The following MCHR2 variants were observed in gnomAD, a reference collection of about 807,000 sequenced individuals.
MCHR2 encodes melanin concentrating hormone receptor 2.
In MCHR2, 15 loss-of-function variants were observed where a neutral mutation model predicts 24.8. The observed-to-expected ratio is 0.60, with a 90% confidence interval of 0.40 to 0.93. MCHR2 has a LOEUF of 0.93. Ranked by LOEUF, MCHR2 falls within the 40% of genes least tolerant of loss-of-function variation. The pLI, the probability that MCHR2 is intolerant of heterozygous loss-of-function variation, is 0.00. For missense variants in MCHR2, 386 were observed against 408.7 expected, an observed-to-expected ratio of 0.94 and a Z score of 0.48; for synonymous variants, 151 against 147.6, an observed-to-expected ratio of 1.02 and a Z score of -0.17.
At chr6:99,934,305 A>G in intron 5 of MCHR2, 93 bp downstream of exon 5, 8 of 1,272,210 alleles carry the variant, frequency 6.3e-6, no homozygotes, top group Non-Finnish European at 8.3e-6. Flanking sequence ...TAAATGTGGT[A>G]TGTTTCAAGT....
In MCHR2 at chr6:99,986,280, A is replaced by G. The variant is rs867459498; in HGVS notation, c.-28+7656T>C. Among the ~76,000 whole-genome samples the G allele has an allele frequency of 9.2e-5, 14 of 152,262 alleles. No homozygotes were observed. In the South Asian group the frequency reaches 1.5e-3, roughly 16 times the overall value. ...CAGTACGAAGATTTCTCAAGGAAGT[A>G]AAAAAAGAACTACGCTTTGATATAG... On this transcript the variant is annotated intron_variant, in intron 1 of 5. Coordinates refer to ENST00000281806, the MANE Select transcript of MCHR2 (RefSeq NM_001040179.2).
intron 5 of MCHR2, 37 bp downstream of exon 5, chr6:99,934,361 T>C (rs1413538148): frequency 1.3e-6 from 2 of 1,521,890 alleles, no homozygotes; most frequent in African/African-American, 2.8e-5. Flanking sequence ...GCTATCTAAA[T>C]TGTTCTTTTA....
At chr6:99,993,759 T>C (rs1775932845) in intron 1 of MCHR2, among the ~76,000 whole-genome samples, 177 bp downstream of exon 1, 1 of 152,086 alleles carries the variant, frequency 6.6e-6, no homozygotes, top group Admixed American at 6.5e-5. Context: ...AGCCAAACTT[T>C]GTACCTTCTG....
At chr6:99,967,105 C>A (rs1262710608) in intron 1 of MCHR2, among the ~76,000 whole-genome samples, 1 of 151,436 alleles carries the variant, frequency 6.6e-6, no homozygotes, top group African/African-American at 2.4e-5. Flanking sequence ...GAAATATGAC[C>A]CCAGAAAACA....
chr6:99,938,609 G>A (rs1774712617), intron 4 of MCHR2, among the ~76,000 whole-genome samples: 1 of 151,962 alleles, frequency 6.6e-6, no homozygotes, highest in African/African-American at 2.4e-5. Flanking sequence ...CTTGTGGCCT[G>A]ATAGGATTAT....
chr6:99,960,551 C>T (rs1775164751), intron 1 of MCHR2, among the ~76,000 whole-genome samples: 1 of 152,006 alleles, frequency 6.6e-6, no homozygotes, highest in Admixed American at 6.6e-5. Flanking sequence ...GGAACAAAGC[C>T]AGAGGCATCA....
At chr6:99,922,342 C>T (rs1774256225) in intron 5 of MCHR2, among the ~76,000 whole-genome samples, 1 of 152,068 alleles carries the variant, frequency 6.6e-6, no homozygotes, top group South Asian at 2.1e-4. Flanking sequence ...CTCCTAACCT[C>T]GCGATCCGCC....
At chr6:99,992,738 C>T (rs1017501418) in intron 1 of MCHR2, among the ~76,000 whole-genome samples, 1 of 152,112 alleles carries the variant, frequency 6.6e-6, no homozygotes. Context: ...GGCTAAGAGT[C>T]GAATAACATT....
At chr6:99,984,900 G>A (rs1222511126) in intron 1 of MCHR2, among the ~76,000 whole-genome samples, 1 of 152,058 alleles carries the variant, frequency 6.6e-6, no homozygotes, top group Admixed American at 6.6e-5. Context: ...TCTGTTTGTT[G>A]ATGATATGAT....
rs543138449 is a variant in MCHR2 at position 99,927,978 on chromosome 6, A to G, written c.707+6420T>C. ...GTATGATATTGGCTGTGGGTTTGTC[A>G]TAGATAGCTCTTATGATTTTGAGAT... On this transcript the variant is annotated intron_variant, in intron 5 of 5. Transcript: ENST00000281806. 1.2e-3 allele frequency among the ~76,000 whole-genome samples: 177 copies of G among 152,288 alleles called. 1 individual carries two copies. The highest frequency in any genetic ancestry group is 2.9e-3 in the South Asian group (14 of 4,832).
chr6:99,931,140 G>A (rs1349433749), intron 5 of MCHR2, among the ~76,000 whole-genome samples: 1 of 152,172 alleles, frequency 6.6e-6, no homozygotes, highest in Admixed American at 6.5e-5. Context: ...AGCGGTGGCT[G>A]CAGAACACCG....
intron 1 of MCHR2, among the ~76,000 whole-genome samples, chr6:99,964,524 A>G (rs1775255745): frequency 6.6e-6 from 1 of 152,114 alleles, no homozygotes; most frequent in Non-Finnish European, 1.5e-5. Flanking sequence ...ACAGGGTGGC[A>G]GGATGGAGTG....
At chr6:99,941,337 T>C (rs1774767074) in intron 4 of MCHR2, among the ~76,000 whole-genome samples, 1 of 150,664 alleles carries the variant, frequency 6.6e-6, no homozygotes, top group East Asian at 2.0e-4. Flanking sequence ...TTGCTAATGA[T>C]AACCTTGGTG....
intron 5 of MCHR2, among the ~76,000 whole-genome samples, chr6:99,933,088 GT>G (rs1774580103): frequency 6.6e-6 from 1 of 151,854 alleles, no homozygotes; most frequent in Non-Finnish European, 1.5e-5. Context: ...ATTTAATCAT[GT>G]TATGTCATAT....
In MCHR2 at chr6:99,969,193, G is replaced by A. The variant is rs541823380; in HGVS notation, c.-27-13019C>T. Among the ~76,000 whole-genome samples, 164 of 152,118 alleles carry A rather than the reference G, an allele frequency of 1.1e-3. 1 individual carries two copies. The highest frequency in any genetic ancestry group is 2.1e-3 in the Non-Finnish European group (142 of 67,992). On this transcript the variant is annotated intron_variant, in intron 1 of 5. Transcript: ENST00000281806. Reference sequence around the variant, plus strand: ...ATCTAACGTAATTTAGAAAACTCGAGGGCCAGGCGTGGTGGCTCATGCCTG... The same window carrying A: ...ATCTAACGTAATTTAGAAAACTCGAAGGCCAGGCGTGGTGGCTCATGCCTG...
At chr6:99,993,572 C>T (rs547865912) in intron 1 of MCHR2, among the ~76,000 whole-genome samples, 117 of 152,170 alleles carry the variant, frequency 7.7e-4, no homozygotes, top group African/African-American at 2.7e-3. Context: ...CTCTTTAGTC[C>T]CCATGGAGAG....
chr6:99,921,481 T>G (rs553092415), intron 5 of MCHR2, among the ~76,000 whole-genome samples: 25 of 152,342 alleles, frequency 1.6e-4, no homozygotes, highest in Admixed American at 3.3e-4. Context: ...TTGTTAATTT[T>G]TTAAATTTTT....
chr6:99,990,038 A>G (rs1435647111), intron 1 of MCHR2, among the ~76,000 whole-genome samples: 2 of 115,394 alleles, frequency 1.7e-5, no homozygotes, highest in East Asian at 5.1e-4. Flanking sequence ...GTAAACTTGC[A>G]AGTTCATTGG....
At chr6:99,989,773 C>T (rs1034856408) in intron 1 of MCHR2, among the ~76,000 whole-genome samples, 1 of 152,084 alleles carries the variant, frequency 6.6e-6, no homozygotes, top group Non-Finnish European at 1.5e-5. Context: ...CTGTACTCAC[C>T]TTCCACTTTT....
Sources: gnomAD v4.1 joint callset for allele counts (sites outside exome capture counted in the v4.1 genomes callset) on GRCh38, gnomAD v4.1.1 for gene constraint, MANE v1.5 for transcripts, NCBI Gene and HGNC (gene_info 2026-07-23, HGNC 2026-07-21) for gene names.